The following ADRA1A variants were observed in gnomAD, a reference collection of about 807,000 sequenced individuals.
The protein encoded by ADRA1A is adrenoceptor alpha 1A, also known as alpha-1A adrenergic receptor.
A neutral mutation model predicts 29.6 loss-of-function variants in ADRA1A; 31 were observed. The observed-to-expected ratio is 1.05, with a 90% CI of 0.79 to 1.41. The LOEUF (loss-of-function observed/expected upper bound fraction) is 1.41, where lower values mean the gene tolerates loss of function less well. ADRA1A is among the 40% of genes most tolerant of loss of function. The pLI, the probability that ADRA1A is intolerant of heterozygous loss-of-function variation, is 0.00. For synonymous variants in ADRA1A, 311 were observed against 254.3 expected (o/e 1.22, Z -2.12); for missense variants, 619 against 601.1 (o/e 1.03, Z -0.31).
chr8:26,780,908 A>G (rs1442014172), intron 2 of ADRA1A, among the ~76,000 whole-genome samples: 1 of 152,246 alleles, frequency 6.6e-6, no homozygotes, highest in Non-Finnish European at 1.5e-5. Flanking sequence ...CCCAGATGGG[A>G]CTGCCTAGTT....
chr8:26,793,385 A>C (rs1314969820), intron 2 of ADRA1A, among the ~76,000 whole-genome samples: 2 of 151,978 alleles, frequency 1.3e-5, no homozygotes, highest in Non-Finnish European at 2.9e-5. Flanking sequence ...TCCTCTGTGA[A>C]GTCTTAGATG....
chr8:26,804,144 A>T (rs1433004733), intron 2 of ADRA1A, among the ~76,000 whole-genome samples: 2 of 151,740 alleles, frequency 1.3e-5, no homozygotes, highest in Non-Finnish European at 2.9e-5. Context: ...CTGGTCTCAA[A>T]CTCAAGGGTC....
At chr8:26,771,310 A>G (rs1229516088) in intron 2 of ADRA1A, among the ~76,000 whole-genome samples, 1 of 152,222 alleles carries the variant, frequency 6.6e-6, no homozygotes, top group East Asian at 1.9e-4. Context: ...TCTTTGCTTC[A>G]CATTCGGAGT....
rs1339721831 is a variant in ADRA1A, at chr8:26,815,201, C to T, written c.884-44535G>A. Among the ~76,000 whole-genome samples, 2 of 152,122 alleles carry T rather than the reference C, an allele frequency of 1.3e-5. No individual in the cohort carries two copies. Among genetic ancestry groups the T allele is most frequent in the African/African-American group, 4.8e-5 (2 of 41,434 alleles). Reference sequence around the variant, plus strand: ...CTTGTGGTAAACTATAATAGGATAACAGTCTTAAATAGATACTTGAAATCA... The same window carrying T: ...CTTGTGGTAAACTATAATAGGATAATAGTCTTAAATAGATACTTGAAATCA... On this transcript the variant is annotated intron_variant, in intron 2 of 2. Coordinates refer to ENST00000380573, the MANE Select transcript of ADRA1A (RefSeq NM_000680.4). The surrounding 1 kb of genome is among the most constrained non-coding windows in gnomAD (Gnocchi z 4.2).
chr8:26,865,877 T>C lies in ADRA1A; in HGVS notation c.-686-222A>G, dbSNP rs1199236625. ...CTCTACTGAGTCACCTCTGCCCGAG[T>C]TCAGGATCCGAAGCGAAAAACAAAC... is the stretch of plus-strand genomic sequence containing the variant. On this transcript the variant is annotated intron_variant, in intron 1 of 2. Coordinates refer to ENST00000380573, the MANE Select transcript of ADRA1A (RefSeq NM_000680.4). This position sits in a 1 kb window ranked among gnomAD's most constrained non-coding sequence, Gnocchi z 7.6. Among the ~76,000 whole-genome samples the C allele has an allele frequency of 2.0e-5, 3 of 150,352 alleles. No homozygotes were observed. The highest frequency in any genetic ancestry group is 6.6e-5 in the Admixed American group (1 of 15,040).
chr8:26,788,524 A>G (rs12542088), intron 2 of ADRA1A, among the ~76,000 whole-genome samples: 54,449 of 152,032 alleles, frequency 0.36, 11,473 homozygotes, highest in East Asian at 0.84. Flanking sequence ...GGTGGCACTA[A>G]TAATAGTAAT....
chr8:26,859,029 C>T (rs558063254), intron 2 of ADRA1A: 3 of 1,235,382 alleles, frequency 2.4e-6, no homozygotes, highest in Non-Finnish European at 3.1e-6. Context: ...ATAGCCTACT[C>T]ACCTGATTTT....
Position 26,831,412 on chromosome 8 carries a change from T to G in ADRA1A, c.883+32675A>C, listed in dbSNP as rs1810964835. On this transcript the variant is annotated intron_variant, in intron 2 of 2. Coordinates refer to ENST00000380573, the MANE Select transcript of ADRA1A (RefSeq NM_000680.4). This position sits in a 1 kb window ranked among gnomAD's most constrained non-coding sequence, Gnocchi z 5.2. ...AGAGAGAAAGAGAGAGAGCCTGCTA[T>G]GCCATGGCCAGTGCTCAAGTGGGCA... Among the ~76,000 whole-genome samples the G allele has an allele frequency of 6.6e-6, 1 of 152,114 alleles. No homozygotes were observed. Among genetic ancestry groups the G allele is most frequent in the African/African-American group, 2.4e-5 (1 of 41,426 alleles).
chr8:26,763,760 GT>G (rs1310186204), downstream of ADRA1A, among the ~76,000 whole-genome samples: 1 of 152,064 alleles, frequency 6.6e-6, no homozygotes, highest in East Asian at 1.9e-4. This position sits in a 1 kb window ranked among gnomAD's most constrained non-coding sequence, Gnocchi z 4.5. Flanking sequence ...CCTGCAGCCT[GT>G]TTTTTTGTTT....
At chr8:26,753,057 T>A (rs888198330), downstream of ADRA1A, among the ~76,000 whole-genome samples, 1 of 152,098 alleles carries the variant, frequency 6.6e-6, no homozygotes, top group Non-Finnish European at 1.5e-5. Context: ...AGAGTTCATG[T>A]CCCCAAGGAG....
At chr8:26,858,941 C>G in intron 2 of ADRA1A, 1 of 836,246 alleles carries the variant, frequency 1.2e-6, no homozygotes. Flanking sequence ...AGCAAGCAAC[C>G]CAGCCTTAGT....
chr8:26,817,798 A>G (rs1207529128), intron 2 of ADRA1A, among the ~76,000 whole-genome samples: 1 of 152,200 alleles, frequency 6.6e-6, no homozygotes, highest in Non-Finnish European at 1.5e-5. Flanking sequence ...AAACAAAAAC[A>G]AAATAGGCTT....
intron 2 of ADRA1A, among the ~76,000 whole-genome samples, chr8:26,809,770 G>C (rs1392654220): frequency 6.6e-6 from 1 of 152,182 alleles, no homozygotes; most frequent in East Asian, 1.9e-4. Context: ...TGGCCTTATT[G>C]AATCTATTGA....
At chr8:26,814,958 T>C (rs1205775299) in intron 2 of ADRA1A, among the ~76,000 whole-genome samples, 1 of 152,208 alleles carries the variant, frequency 6.6e-6, no homozygotes, top group Non-Finnish European at 1.5e-5. Flanking sequence ...AAATTAATGG[T>C]GAATGCCCTT....
chr8:26,846,697 A>G (rs548256794), intron 2 of ADRA1A, among the ~76,000 whole-genome samples: 2 of 152,328 alleles, frequency 1.3e-5, no homozygotes, highest in Non-Finnish European at 2.9e-5. Context: ...ACTTGAACCC[A>G]GGAGGCAGAG....
chr8:26,849,194 C>T (rs1179266737), intron 2 of ADRA1A, among the ~76,000 whole-genome samples: 1 of 152,120 alleles, frequency 6.6e-6, no homozygotes, highest in Non-Finnish European at 1.5e-5. Flanking sequence ...CTGATGAATC[C>T]TCGGTTCACA....
chr8:26,751,865 C>G (rs891074661), downstream of ADRA1A, among the ~76,000 whole-genome samples: 1 of 152,180 alleles, frequency 6.6e-6, no homozygotes, highest in Non-Finnish European at 1.5e-5. Flanking sequence ...AATGAACACT[C>G]AGGTTGGCTT....
intron 2 of ADRA1A, among the ~76,000 whole-genome samples, chr8:26,791,348 A>G (rs190206962): frequency 5.9e-5 from 9 of 152,274 alleles, no homozygotes; most frequent in Admixed American, 4.6e-4. Flanking sequence ...TCTGGGTCAT[A>G]TAATATAAAT....
chr8:26,770,872 G>A (rs951261054), intron 2 of ADRA1A, among the ~76,000 whole-genome samples: 1 of 152,144 alleles, frequency 6.6e-6, no homozygotes, highest in African/African-American at 2.4e-5. Context: ...CTTGGTCCGC[G>A]TGTGTCATTA....
Sources: allele counts gnomAD v4.1 joint callset (sites outside exome capture counted in the v4.1 genomes callset), GRCh38; gene constraint gnomAD v4.1.1; non-coding constraint Gnocchi (gnomAD v3.1); transcripts MANE v1.5; gene names NCBI Gene and HGNC (gene_info 2026-07-23, HGNC 2026-07-21).